The following CNTNAP2 variants were observed in gnomAD, a reference collection of about 807,000 sequenced individuals.
CNTNAP2 encodes the protein contactin associated protein 2, also known as contactin-associated protein-like 2.
A neutral mutation model predicts 155.2 loss-of-function variants in CNTNAP2; 98 were observed. The observed-to-expected ratio is 0.63, with a 90% confidence interval of 0.54 to 0.75. The LOEUF is 0.75. CNTNAP2 is among the 30% of genes least tolerant of loss of function. The pLI is 0.00. For missense variants in CNTNAP2, 1,727 were observed against 1,688.1 expected (o/e 1.02, Z -0.40); for synonymous variants, 651 against 631.2 (o/e 1.03, Z -0.47).
chr7:146,647,834 T>C (rs1799841317), intron 1 of CNTNAP2, among the ~76,000 whole-genome samples: 3 of 152,228 alleles, frequency 2.0e-5, no homozygotes, highest in Non-Finnish European at 4.4e-5. Flanking sequence ...TTTACTCTAC[T>C]AATCTATAGT....
At chr7:146,215,625 T>C (rs1799101052) in intron 1 of CNTNAP2, among the ~76,000 whole-genome samples, 1 of 149,548 alleles carries the variant, frequency 6.7e-6, no homozygotes, top group Non-Finnish European at 1.5e-5. Flanking sequence ...ATAATATATA[T>C]ATATTTTTTT....
chr7:146,645,474 A>G (rs1399963746), intron 1 of CNTNAP2, among the ~76,000 whole-genome samples: 1 of 152,180 alleles, frequency 6.6e-6, no homozygotes, highest in African/African-American at 2.4e-5. Flanking sequence ...CTATCCCGTC[A>G]TGTTCTATAA....
At chr7:147,075,675 A>G (rs1482941570) in intron 4 of CNTNAP2, among the ~76,000 whole-genome samples, 1 of 152,036 alleles carries the variant, frequency 6.6e-6, no homozygotes, top group Non-Finnish European at 1.5e-5. Flanking sequence ...GTACATGTGT[A>G]CAACGTGCAG....
At chr7:146,545,878 A>G (rs951209232) in intron 1 of CNTNAP2, among the ~76,000 whole-genome samples, 1 of 151,958 alleles carries the variant, frequency 6.6e-6, no homozygotes, top group Non-Finnish European at 1.5e-5. Flanking sequence ...ACACATGCAC[A>G]TGTACGGTTA....
At chr7:147,872,336 C>T (rs1585003194) in intron 13 of CNTNAP2, among the ~76,000 whole-genome samples, 1 of 152,156 alleles carries the variant, frequency 6.6e-6, no homozygotes, top group Non-Finnish European at 1.5e-5. Context: ...AAAATATAAG[C>T]CTAAAATCAT....
chr7:146,399,582 A>C (rs748562230), intron 1 of CNTNAP2, among the ~76,000 whole-genome samples: 11 of 152,192 alleles, frequency 7.2e-5, no homozygotes, highest in Non-Finnish European at 1.6e-4. Context: ...GTTGATGGAC[A>C]CTTAGGTTAA....
At chr7:147,050,743 A>T (rs1055899831) in intron 4 of CNTNAP2, among the ~76,000 whole-genome samples, 6 of 152,138 alleles carry the variant, frequency 3.9e-5, no homozygotes, top group Non-Finnish European at 8.8e-5. Flanking sequence ...CAGTTCTGCA[A>T]TCTTAAGATG....
chr7:147,098,119 G>C (rs1195602905), intron 4 of CNTNAP2, among the ~76,000 whole-genome samples: 3 of 152,084 alleles, frequency 2.0e-5, no homozygotes, highest in Non-Finnish European at 4.4e-5. Flanking sequence ...TTTGAGGCTG[G>C]GTCTTTGTTC....
intron 15 of CNTNAP2, among the ~76,000 whole-genome samples, chr7:147,989,033 G>A (rs1801667773): frequency 6.6e-6 from 1 of 152,212 alleles, no homozygotes; most frequent in Admixed American, 6.5e-5. Flanking sequence ...AGATTAGGAT[G>A]GAAGTTTGGA....
intron 15 of CNTNAP2, among the ~76,000 whole-genome samples, chr7:148,053,600 C>A (rs1802934389): frequency 6.6e-6 from 1 of 152,110 alleles, no homozygotes; most frequent in African/African-American, 2.4e-5. Context: ...AATATTTTCA[C>A]CGTACTTTAC....
chr7:146,702,542 A>C (rs1800895124), intron 1 of CNTNAP2, among the ~76,000 whole-genome samples: 1 of 152,162 alleles, frequency 6.6e-6, no homozygotes, highest in Non-Finnish European at 1.5e-5. Flanking sequence ...GCCATTAGCC[A>C]CATGTGGCCA....
intron 18 of CNTNAP2, among the ~76,000 whole-genome samples, chr7:148,203,052 C>G (rs1795391990): frequency 6.6e-6 from 1 of 152,172 alleles, no homozygotes; most frequent in Non-Finnish European, 1.5e-5. Flanking sequence ...TAGCCAATTA[C>G]TTCTTGGTTT....
intron 1 of CNTNAP2, among the ~76,000 whole-genome samples, chr7:146,492,386 T>C (rs1295241645): frequency 6.6e-6 from 1 of 152,222 alleles, no homozygotes; most frequent in African/African-American, 2.4e-5. Flanking sequence ...TAAAAATGTC[T>C]TTGGGAAACT....
At chr7:146,566,586 A>C (rs931034843) in intron 1 of CNTNAP2, among the ~76,000 whole-genome samples, 8 of 151,952 alleles carry the variant, frequency 5.3e-5, no homozygotes, top group Admixed American at 5.2e-4. Flanking sequence ...AGTCCCAGCT[A>C]CTGGGGAGGC....
At chr7:146,283,300 A>G (rs922182580) in intron 1 of CNTNAP2, among the ~76,000 whole-genome samples, 60 of 152,332 alleles carry the variant, frequency 3.9e-4, no homozygotes, top group Non-Finnish European at 1.0e-4. Context: ...ACAATTCCAA[A>G]TCTCTATTTA....
intron 1 of CNTNAP2, among the ~76,000 whole-genome samples, chr7:146,276,355 T>C (rs1026698226): frequency 6.6e-6 from 1 of 152,238 alleles, no homozygotes; most frequent in Non-Finnish European, 1.5e-5. Flanking sequence ...CTAAAAACTC[T>C]ATTGGGATAT....
At chr7:148,222,274 G>T (rs1373464036) in intron 19 of CNTNAP2, among the ~76,000 whole-genome samples, 2 of 152,224 alleles carry the variant, frequency 1.3e-5, no homozygotes, top group Non-Finnish European at 2.9e-5. Flanking sequence ...ATAAAGAAAA[G>T]GAATTTATTT....
At chr7:146,563,436 A>G (rs185602219) in intron 1 of CNTNAP2, among the ~76,000 whole-genome samples, 4 of 152,186 alleles carry the variant, frequency 2.6e-5, no homozygotes, top group African/African-American at 9.6e-5. Context: ...AATACTGCCT[A>G]TCCTCAGACC....
At chr7:147,568,088 AAAAT>A (rs1217913826) in intron 12 of CNTNAP2, among the ~76,000 whole-genome samples, 1 of 152,238 alleles carries the variant, frequency 6.6e-6, no homozygotes, top group Non-Finnish European at 1.5e-5. Context: ...TCCGTCTCAA[AAAAT>A]AAATAAATAT....
Sources: gnomAD v4.1 joint callset for allele counts (sites outside exome capture counted in the v4.1 genomes callset) on GRCh38, gnomAD v4.1.1 for gene constraint, MANE v1.5 for transcripts, NCBI Gene and HGNC (gene_info 2026-07-23, HGNC 2026-07-21) for gene names.